SAMD5: variants seen among roughly 807,000 people sequenced by gnomAD.
SAMD5 encodes sterile alpha motif domain-containing protein 5.
In SAMD5, 13 loss-of-function variants were observed where a neutral mutation model predicts 11.3. That is an observed-to-expected ratio of 1.15 (90% CI 0.75 to 1.83). The LOEUF is 1.83. Ranked by LOEUF, SAMD5 falls within the 40% of genes most tolerant of loss-of-function variation. The pLI is 0.00. For synonymous variants in SAMD5, 129 were observed against 111.3 expected (o/e 1.16, Z -1.00); for missense variants, 255 against 239.1 (o/e 1.07, Z -0.44).
At chr6:147,688,048 C>T (rs1381577453) in intron 1 of SAMD5, among the ~76,000 whole-genome samples, 4 of 152,112 alleles carry the variant, frequency 2.6e-5, no homozygotes, top group African/African-American at 7.2e-5. Flanking sequence ...ACTTTGATTA[C>T]ATATATGTCA....
the SAMD5 span, among the ~76,000 whole-genome samples, chr6:147,865,286 GTATA>G: frequency 6.6e-6 from 1 of 150,966 alleles, no homozygotes; most frequent in Non-Finnish European, 1.5e-5. Context: ...ATAAGTGTGT[GTATA>G]TGTATGTACA....
At position 147,569,713 on chromosome 6, in the gene SAMD5, C is replaced by CGA; in HGVS notation, c.*5257_*5258insGA. On this transcript the variant is annotated 3_prime_UTR_variant, in exon 2 of 2. Coordinates refer to ENST00000367474, the MANE Select transcript of SAMD5 (RefSeq NM_001030060.3). Reference sequence around the variant, plus strand: ...GAGATACTATTCGGGTTGCTAAAGCCATTATTCATAGAAAATTTCTGCCCC... The same window carrying CGA: ...GAGATACTATTCGGGTTGCTAAAGCCGAATTATTCATAGAAAATTTCTGCCCC... 1.0e-6 allele frequency: 1 copy of CGA among 985,294 alleles called. No homozygotes were observed. The highest frequency in any genetic ancestry group is 1.2e-6 in the Non-Finnish European group (1 of 829,826). 61.0% of individuals were successfully genotyped at this position (985,294 alleles called of 1,614,324 possible).
the SAMD5 span, among the ~76,000 whole-genome samples, chr6:147,864,993 T>G: frequency 6.6e-6 from 1 of 152,350 alleles, no homozygotes; most frequent in South Asian, 2.1e-4. Context: ...GCAAAAATTC[T>G]TCCAGAGCCT....
intron 1 of SAMD5, among the ~76,000 whole-genome samples, chr6:147,685,879 G>A (rs1286650124): frequency 3.9e-5 from 6 of 152,188 alleles, no homozygotes; most frequent in Non-Finnish European, 8.8e-5. Flanking sequence ...TTTGAAAGAA[G>A]CGATGTCATA....
intron 1 of SAMD5, among the ~76,000 whole-genome samples, chr6:147,528,287 A>G (rs565817145): frequency 1.3e-5 from 2 of 152,294 alleles, no homozygotes; most frequent in African/African-American, 4.8e-5. Flanking sequence ...AGTGGCTTCA[A>G]CAACAGAATT....
intron 1 of SAMD5, among the ~76,000 whole-genome samples, chr6:147,594,751 A>G (rs1185904920): frequency 6.6e-6 from 1 of 152,322 alleles, no homozygotes; most frequent in East Asian, 1.9e-4. Context: ...CCAACCAGGC[A>G]TCTCTCAGAA....
chr6:147,515,814 A>C (rs113249485), intron 1 of SAMD5, among the ~76,000 whole-genome samples: 2 of 152,196 alleles, frequency 1.3e-5, no homozygotes, highest in Non-Finnish European at 2.9e-5. Flanking sequence ...AGGATGTTGC[A>C]CTTGAGTTTA....
the SAMD5 span, among the ~76,000 whole-genome samples, chr6:147,762,714 A>G: frequency 6.6e-6 from 1 of 152,204 alleles, no homozygotes; most frequent in African/African-American, 2.4e-5. Context: ...AAATAGTAGC[A>G]GAACCCGAAG....
chr6:147,575,976 C>T (rs891734496), intron 1 of SAMD5, among the ~76,000 whole-genome samples: 1 of 151,830 alleles, frequency 6.6e-6, no homozygotes, highest in Non-Finnish European at 1.5e-5. Flanking sequence ...ATAGCGTTAC[C>T]CCTTGCATTA....
the SAMD5 span, among the ~76,000 whole-genome samples, chr6:147,749,154 T>C: frequency 2.0e-5 from 3 of 150,622 alleles, no homozygotes; most frequent in South Asian, 6.4e-4. Flanking sequence ...TGTCTGTTAC[T>C]GAATATTTTT....
At chr6:147,587,782 A>T (rs1176962730) in intron 1 of SAMD5, among the ~76,000 whole-genome samples, 8 of 152,004 alleles carry the variant, frequency 5.3e-5, no homozygotes. Context: ...TGACTATTTG[A>T]CGTAGTTTGT....
At chr6:147,617,363 A>G (rs1789888558) in intron 1 of SAMD5, among the ~76,000 whole-genome samples, 1 of 152,208 alleles carries the variant, frequency 6.6e-6, no homozygotes. Flanking sequence ...CTTGGGCCTC[A>G]AATTATGGAA....
At chr6:147,816,527 C>A in the SAMD5 span, among the ~76,000 whole-genome samples, 2 of 151,114 alleles carry the variant, frequency 1.3e-5, no homozygotes, top group East Asian at 3.9e-4. Flanking sequence ...TTATCACATA[C>A]AAAAGGCAGG....
At chr6:147,586,943 C>T (rs62434732) in intron 1 of SAMD5, among the ~76,000 whole-genome samples, 1,762 of 152,160 alleles carry the variant, frequency 0.012, 20 homozygotes, top group Middle Eastern at 0.017. Flanking sequence ...TTCCATTGTT[C>T]CTCATCTACA....
chr6:147,702,223 A>G (rs2128457874), intron 1 of SAMD5, among the ~76,000 whole-genome samples: 1 of 152,294 alleles, frequency 6.6e-6, no homozygotes, highest in South Asian at 2.1e-4. Flanking sequence ...CAGCATGGGA[A>G]AGACCCGCCC....
chr6:147,598,262 C>T (rs1789563421), intron 1 of SAMD5, among the ~76,000 whole-genome samples: 1 of 151,924 alleles, frequency 6.6e-6, no homozygotes, highest in Non-Finnish European at 1.5e-5. Context: ...GTAGCTGGGA[C>T]TACATGTGTA....
the SAMD5 span, among the ~76,000 whole-genome samples, chr6:147,816,690 A>G: frequency 6.6e-6 from 1 of 152,126 alleles, no homozygotes; most frequent in Non-Finnish European, 1.5e-5. Context: ...TTCCTGTAAT[A>G]AATTTTGGAG....
At chr6:147,646,384 A>C (rs1790401608) in intron 1 of SAMD5, among the ~76,000 whole-genome samples, 1 of 152,184 alleles carries the variant, frequency 6.6e-6, no homozygotes, top group Non-Finnish European at 1.5e-5. Context: ...GGATTCTTAA[A>C]TATTCAATCC....
the SAMD5 span, among the ~76,000 whole-genome samples, chr6:147,845,844 C>T: frequency 6.6e-6 from 1 of 152,162 alleles, no homozygotes; most frequent in East Asian, 1.9e-4. Flanking sequence ...TCAACATGCA[C>T]TTACTATACT....
Sources: gnomAD v4.1 joint callset for allele counts (sites outside exome capture counted in the v4.1 genomes callset) on GRCh38, gnomAD v4.1.1 for gene constraint, MANE v1.5 for transcripts, NCBI Gene and HGNC (gene_info 2026-07-23, HGNC 2026-07-21) for gene names.